The following LAMA3 variants were observed in gnomAD, a reference collection of about 807,000 sequenced individuals.
The protein encoded by LAMA3 is laminin subunit alpha-3.
In LAMA3, 281 loss-of-function variants were observed where a neutral mutation model predicts 402.0. That is an observed-to-expected ratio of 0.70 (90% CI 0.63 to 0.77). LAMA3 has a LOEUF of 0.77. LAMA3 is among the 30% of genes least tolerant of loss of function. The probability of loss-of-function intolerance (pLI) is 0.00; values close to 1 mark genes in which losing one functional copy is unlikely to be tolerated. For missense variants in LAMA3, 3,840 were observed against 4,215.5 expected, an observed-to-expected ratio of 0.91 and a Z score of 2.47; for synonymous variants, 1,431 against 1,558.4, an observed-to-expected ratio of 0.92 and a Z score of 1.93.
intron 42 of LAMA3, among the ~76,000 whole-genome samples, chr18:23,891,396 T>C (rs896446682): frequency 6.6e-6 from 1 of 152,230 alleles, no homozygotes; most frequent in African/African-American, 2.4e-5. Flanking sequence ...TTTGTTTTCA[T>C]TTTTGGCAAG....
intron 1 of LAMA3, among the ~76,000 whole-genome samples, chr18:23,694,504 C>T (rs2060648661): frequency 6.6e-6 from 1 of 152,180 alleles, no homozygotes; most frequent in Non-Finnish European, 1.5e-5. Context: ...TTGATTGTCA[C>T]AACAATTTAT....
chr18:23,934,054 T>C, intron 67 of LAMA3, 119 bp downstream of exon 67: 1 of 940,042 alleles, frequency 1.1e-6, no homozygotes. Flanking sequence ...GTGGGATTGA[T>C]GCATTATCAA....
In LAMA3 at chr18:23,727,838, T is replaced by G. The variant is rs150484348; in HGVS notation, c.447+13766T>G. Among the ~76,000 whole-genome samples, 859 of 152,232 alleles carry G rather than the reference T, an allele frequency of 5.6e-3. 11 individuals carry two copies. Among genetic ancestry groups the G allele is most frequent in the African/African-American group, 0.019 (792 of 41,526 alleles). On this transcript the variant is annotated intron_variant, in intron 2 of 74. Transcript: ENST00000313654. Reference sequence around the variant, plus strand: ...TCGAACTCCAGAGCTCAAGTGATCCTCCTGCTTCAACCACCCCAGTAGCTA... The same window carrying G: ...TCGAACTCCAGAGCTCAAGTGATCCGCCTGCTTCAACCACCCCAGTAGCTA...
intron 58 of LAMA3, 123 bp from the exon 59 acceptor site, chr18:23,915,166 G>T: frequency 1.8e-6 from 2 of 1,128,998 alleles, no homozygotes; most frequent in East Asian, 2.5e-5. Flanking sequence ...AGGGCATCTT[G>T]TTCCAGGGTT....
chr18:23,953,806 C>T (rs954569924), intron 74 of LAMA3, among the ~76,000 whole-genome samples: 1 of 152,190 alleles, frequency 6.6e-6, no homozygotes, highest in African/African-American at 2.4e-5. Context: ...CTGGGAGAAT[C>T]AGGTAGGCTG....
rs754639677 is a variant in LAMA3, at chr18:23,837,019, G to A, written c.3023G>A (p.Arg1008His). The change falls in exon 25 of 75, where the codon CGC becomes CAC. Residue 1008 changes from arginine (R) to histidine (H), a missense_variant. By Grantham distance (29) the Arg-to-His change is conservative. Transcript: ENST00000313654. ...AGTGCTGTGATTGATCACATGAGCC[G>A]CATCGCCATGTATGAGCTATTGGCA... is the stretch of plus-strand genomic sequence containing the variant. ...CRSAVIDHMS[R>H]IAMYELLADA... The A allele has an allele frequency of 3.4e-5, 55 of 1,613,796 alleles. 2 individuals are homozygous for A. The Admixed American group carries it at 4.0e-4, about 12-fold the overall frequency.
chr18:23,727,919 A>G (rs900077795), intron 2 of LAMA3, among the ~76,000 whole-genome samples: 2 of 151,796 alleles, frequency 1.3e-5, no homozygotes, highest in Admixed American at 1.3e-4. Context: ...ATTTTTGTAG[A>G]GATAGGGTCT....
rs548283691 is a variant in LAMA3 at position 23,871,177 on chromosome 18, C to G, written c.4768-254C>G. Among the ~76,000 whole-genome samples, 5 of 152,298 alleles carry G rather than the reference C, an allele frequency of 3.3e-5. No homozygotes were observed. The South Asian group carries it at 1.0e-3, about 32-fold the overall frequency. On this transcript the variant is annotated intron_variant, in intron 37 of 74. Transcript: ENST00000313654. ...GCACATTTAAAAGATAAGTTGGACA[C>G]TGGGAATTTTATTTCATTTTATTGC...
At chr18:23,877,017 G>A (rs1365228742) in intron 39 of LAMA3, among the ~76,000 whole-genome samples, 1 of 152,094 alleles carries the variant, frequency 6.6e-6, no homozygotes, top group African/African-American at 2.4e-5. Flanking sequence ...ACAAAACTCG[G>A]TCTGCATTCC....
chr18:23,822,100 G>T (rs979413705), intron 19 of LAMA3, 152 bp from the exon 20 acceptor site: 1 of 759,426 alleles, frequency 1.3e-6, no homozygotes, highest in Non-Finnish European at 2.2e-6. Flanking sequence ...AAGTTACTCG[G>T]TGCTCGTTGA....
At chr18:23,774,435 C>A (rs1182247575) in intron 9 of LAMA3, among the ~76,000 whole-genome samples, 1 of 152,088 alleles carries the variant, frequency 6.6e-6, no homozygotes, top group African/African-American at 2.4e-5. Flanking sequence ...ACGGAGAAAC[C>A]AAACAGTCTG....
intron 2 of LAMA3, among the ~76,000 whole-genome samples, chr18:23,745,615 T>C (rs2061640266): frequency 6.6e-6 from 1 of 152,298 alleles, no homozygotes; most frequent in Middle Eastern, 3.4e-3. Flanking sequence ...AAGGTGTGGG[T>C]TTGTTACTTA....
intron 32 of LAMA3, among the ~76,000 whole-genome samples, chr18:23,854,190 C>T (rs2064010488): frequency 6.6e-6 from 1 of 152,206 alleles, no homozygotes. Context: ...CACATCTTCT[C>T]AGTCACTCTC....
intron 37 of LAMA3, among the ~76,000 whole-genome samples, chr18:23,870,699 C>G (rs1414352490): frequency 6.6e-6 from 1 of 152,120 alleles, no homozygotes; most frequent in Non-Finnish European, 1.5e-5. Context: ...ATAGATGAAC[C>G]TTGAGAACCT....
At chr18:23,710,746 C>T (rs1038543540) in intron 1 of LAMA3, among the ~76,000 whole-genome samples, 1 of 151,936 alleles carries the variant, frequency 6.6e-6, no homozygotes, top group Non-Finnish European at 1.5e-5. Flanking sequence ...TTTAATAAAA[C>T]GATTTGAATA....
Position 23,847,647 on chromosome 18 carries a change from AC to A in LAMA3, c.4117del (p.Arg1373GlyfsTer58), listed in dbSNP as rs1218626267. 6.2e-7 allele frequency: 1 copy of A among 1,613,710 alleles called. No homozygotes were observed. Among genetic ancestry groups the A allele is most frequent in the Non-Finnish European group, 8.5e-7 (1 of 1,179,970 alleles). ...GTIEAAMPEC[D>X]RDSGQCRCKP... ...ATCGAGGCTGCCATGCCGGAGTGTG[AC>A]CGGGACAGCGGGCAGTGCAGGTGAG... On this transcript the variant is annotated frameshift_variant, in exon 32 of 75. Coordinates refer to ENST00000313654, the MANE Select transcript of LAMA3 (RefSeq NM_198129.4). LOFTEE classifies it high-confidence loss of function.
Position 23,819,729 on chromosome 18 carries a change from T to A in LAMA3, c.2148-112T>A. ...TCTTTCTCATTTGTCCTTTATTTAA[T>A]GTACTCTGTCAATGTGGTGGAGTTC... On this transcript the variant is annotated intron_variant, in intron 18 of 74. Coordinates refer to ENST00000313654, the MANE Select transcript of LAMA3 (RefSeq NM_198129.4). The A allele has an allele frequency of 1.2e-5, 11 of 918,502 alleles. 1 individual carries two copies. The South Asian group carries it at 1.5e-4, about 12-fold the overall frequency. The allele number at this position is 918,502 out of a possible 1,614,324, so 56.9% of individuals were successfully genotyped here. A position where few individuals can be genotyped will look rare whatever the true frequency, so the allele number is the denominator to read the frequency against.
intron 51 of LAMA3, among the ~76,000 whole-genome samples, chr18:23,905,279 A>T (rs2081204032): frequency 6.6e-6 from 1 of 152,136 alleles, no homozygotes; most frequent in African/African-American, 2.4e-5. Flanking sequence ...AGCAGCTAAA[A>T]CAAGTGTCAC....
At chr18:23,797,041 G>A (rs926111197) in intron 12 of LAMA3, among the ~76,000 whole-genome samples, 17 of 152,138 alleles carry the variant, frequency 1.1e-4, no homozygotes, top group African/African-American at 3.1e-4. Flanking sequence ...GTCTAAAGTC[G>A]TGGCTCAAGT....
Sources: allele counts gnomAD v4.1 joint callset (sites outside exome capture counted in the v4.1 genomes callset), GRCh38; gene constraint gnomAD v4.1.1; transcripts MANE v1.5; gene names NCBI Gene and HGNC (gene_info 2026-07-23, HGNC 2026-07-21).